The following PRKCB variants were observed in gnomAD, a reference collection of about 807,000 sequenced individuals.
The protein encoded by PRKCB is protein kinase C beta.
In PRKCB, 13 loss-of-function variants were observed where a neutral mutation model predicts 81.5. The ratio of observed to expected loss-of-function variants is 0.16; its 90% CI spans 0.10 to 0.25. The LOEUF (loss-of-function observed/expected upper bound fraction) is 0.25, where lower values mean the gene tolerates loss of function less well. Among genes scored for constraint, PRKCB ranks in the 10% least tolerant of loss-of-function variants. The pLI, the probability that PRKCB is intolerant of heterozygous loss-of-function variation, is 1.00. For synonymous variants in PRKCB, 335 were observed against 321.4 expected (o/e 1.04, Z -0.45); for missense variants, 509 against 875.7 (o/e 0.58, Z 5.29).
chr16:23,898,034 G>A (rs1181543163), intron 2 of PRKCB, among the ~76,000 whole-genome samples: 1 of 150,308 alleles, frequency 6.7e-6, no homozygotes, highest in African/African-American at 2.4e-5. Flanking sequence ...GAGTAGCTGG[G>A]ATTACAGGCA....
intron 3 of PRKCB, among the ~76,000 whole-genome samples, chr16:24,029,198 A>G (rs905249165): frequency 6.6e-6 from 1 of 152,122 alleles, no homozygotes; most frequent in African/African-American, 2.4e-5. Flanking sequence ...GTTTTCAAAC[A>G]TTTTAGCAAC....
chr16:23,999,879 G>C (rs1015251896), intron 3 of PRKCB, among the ~76,000 whole-genome samples: 1 of 152,144 alleles, frequency 6.6e-6, no homozygotes, highest in African/African-American at 2.4e-5. Flanking sequence ...TTGGTTGGCT[G>C]GTGGGTGGAT....
At chr16:24,055,196 ATCT>A (rs1965889543) in intron 5 of PRKCB, among the ~76,000 whole-genome samples, 1 of 152,152 alleles carries the variant, frequency 6.6e-6, no homozygotes, top group Non-Finnish European at 1.5e-5. Context: ...TTTCACAATC[ATCT>A]TCTCCACCCA....
chr16:24,162,303 A>G (rs1183707051), intron 10 of PRKCB, among the ~76,000 whole-genome samples: 1 of 152,050 alleles, frequency 6.6e-6, no homozygotes, highest in Non-Finnish European at 1.5e-5. Context: ...ACCCAAGGAT[A>G]TGGTTGGACT....
chr16:23,920,428 C>T (rs1038704898), intron 2 of PRKCB, among the ~76,000 whole-genome samples: 4 of 152,170 alleles, frequency 2.6e-5, no homozygotes, highest in African/African-American at 9.7e-5. Context: ...AATTCTGCCC[C>T]CAAATAACCT....
chr16:24,185,394 T>G (rs1967687864), intron 14 of PRKCB, 66 bp from the exon 15 acceptor site: 2 of 1,459,868 alleles, frequency 1.4e-6, no homozygotes, highest in African/African-American at 2.8e-5. Flanking sequence ...GGTCTGCCAG[T>G]TGAGGGGAGC....
chr16:24,108,031 C>T (rs182327009), intron 7 of PRKCB, among the ~76,000 whole-genome samples: 3 of 152,346 alleles, frequency 2.0e-5, no homozygotes, highest in Non-Finnish European at 4.4e-5. Context: ...CGTTAACACT[C>T]TAACACTTGC....
chr16:24,079,423 C>G (rs1262301848), intron 5 of PRKCB, among the ~76,000 whole-genome samples: 1 of 152,188 alleles, frequency 6.6e-6, no homozygotes, highest in Non-Finnish European at 1.5e-5. Context: ...ATTAGGTGCA[C>G]AAGACCAGCC....
chr16:23,942,368 G>T (rs1964150234), intron 2 of PRKCB, among the ~76,000 whole-genome samples: 1 of 152,180 alleles, frequency 6.6e-6, no homozygotes, highest in Admixed American at 6.5e-5. Context: ...ATAGAGCGTG[G>T]GCATAATATG....
In PRKCB at chr16:23,876,992, G is replaced by A. The variant is rs530704599; in HGVS notation, c.205+39586G>A. Among the ~76,000 whole-genome samples the A allele has an allele frequency of 1.3e-3, 201 of 152,204 alleles. 3 individuals carry two copies. The highest frequency in any genetic ancestry group is 5.6e-4 in the Non-Finnish European group (38 of 68,008). Reference sequence around the variant, plus strand: ...AAGAATTTGTTAGAAGGATATGGGGGGGGAGGGATGGACAGAGATGTGAAG... The same window carrying A: ...AAGAATTTGTTAGAAGGATATGGGGAGGGAGGGATGGACAGAGATGTGAAG... On this transcript the variant is annotated intron_variant, in intron 2 of 16. Transcript: ENST00000643927.
rs191548359 is a variant in PRKCB, at chr16:24,170,934, C to T, written c.1240-1336C>T. Among the ~76,000 whole-genome samples the T allele has an allele frequency of 5.3e-5, 8 of 152,354 alleles. No individual in the cohort carries two copies. The East Asian group carries it at 1.5e-3, about 29-fold the overall frequency. Reference sequence around the variant, plus strand: ...ATCCCTTGAAAGACATGCTGAAAAACTTCCCTGATTAGGACACAGATTTTT... The same window carrying T: ...ATCCCTTGAAAGACATGCTGAAAAATTTCCCTGATTAGGACACAGATTTTT... On this transcript the variant is annotated intron_variant, in intron 10 of 16. Coordinates refer to ENST00000643927, the MANE Select transcript of PRKCB (RefSeq NM_002738.7).
intron 2 of PRKCB, among the ~76,000 whole-genome samples, chr16:23,960,879 G>C (rs142265469): frequency 1.3e-5 from 2 of 152,280 alleles, no homozygotes; most frequent in East Asian, 3.9e-4. Context: ...ATTGCCCAAG[G>C]TCTTAGCTAA....
chr16:23,932,363 T>G (rs931109486), intron 2 of PRKCB, among the ~76,000 whole-genome samples: 1 of 152,226 alleles, frequency 6.6e-6, no homozygotes, highest in Non-Finnish European at 1.5e-5. Context: ...GGAGATATGC[T>G]GAAGAATTTA....
intron 3 of PRKCB, among the ~76,000 whole-genome samples, chr16:24,005,706 C>A (rs1345174226): frequency 6.6e-6 from 1 of 152,180 alleles, no homozygotes; most frequent in East Asian, 1.9e-4. Flanking sequence ...GCTCTGCCAA[C>A]AAGGCCCTGT....
At chr16:23,932,044 G>T (rs1003702223) in intron 2 of PRKCB, among the ~76,000 whole-genome samples, 1 of 152,050 alleles carries the variant, frequency 6.6e-6, no homozygotes, top group African/African-American at 2.4e-5. Flanking sequence ...TATTACTAAA[G>T]ATCTAACCAA....
intron 11 of PRKCB, 171 bp from the exon 12 acceptor site, chr16:24,174,347 C>A (rs1967493870): frequency 1.6e-6 from 1 of 611,780 alleles, no homozygotes; most frequent in Non-Finnish European, 2.8e-6. Flanking sequence ...ACCCTCTAAA[C>A]CACCCTTTGA....
intron 2 of PRKCB, among the ~76,000 whole-genome samples, chr16:23,850,368 A>AT (rs1249802849): frequency 4.1e-5 from 4 of 98,268 alleles, no homozygotes; most frequent in Non-Finnish European, 6.7e-5. Context: ...AATTTAATTT[A>AT]ATTTTTTTTA....
intron 12 of PRKCB, among the ~76,000 whole-genome samples, chr16:24,176,740 G>A (rs536099597): frequency 2.0e-5 from 3 of 152,030 alleles, no homozygotes; most frequent in East Asian, 1.9e-4. Context: ...TAAAAAATAC[G>A]AATATTAGCT....
In PRKCB at chr16:24,216,224, G is replaced by A. The variant is rs1007234861; in HGVS notation, c.*1408G>A. 3 of 985,294 alleles carry A rather than the reference G, an allele frequency of 3.0e-6. No individual in the cohort carries two copies. The highest frequency in any genetic ancestry group is 4.7e-5 in the South Asian group (1 of 21,284). The allele number at this position is 985,294 out of a possible 1,614,324, so 61.0% of individuals were successfully genotyped here. ...GTGGGATGACCTGGCCAGAGCCAAC[G>A]AGGATACTGGAGCCCAAAGTCAAGT... On this transcript the variant is annotated 3_prime_UTR_variant, in exon 17 of 17. Transcript: ENST00000643927.
Sources: allele counts gnomAD v4.1 joint callset (sites outside exome capture counted in the v4.1 genomes callset), GRCh38; gene constraint gnomAD v4.1.1; transcripts MANE v1.5; gene names NCBI Gene and HGNC (gene_info 2026-07-23, HGNC 2026-07-21).